Variants in TTC4 observed in about 807,000 individuals in gnomAD.
The protein encoded by TTC4 is tetratricopeptide repeat domain 4, also known as hsp70/Hsp90 co-chaperone CNS1 homolog.
In TTC4, 36 loss-of-function variants were observed where a neutral mutation model predicts 51.9. The observed-to-expected ratio is 0.69, with a 90% CI of 0.53 to 0.92. TTC4 has a LOEUF of 0.92. Ranked by LOEUF, TTC4 falls within the 40% of genes least tolerant of loss-of-function variation. The pLI, the probability that TTC4 is intolerant of heterozygous loss-of-function variation, is 0.00. For synonymous variants in TTC4, 144 were observed against 164.2 expected (o/e 0.88, Z 0.94); for missense variants, 399 against 454.6 (o/e 0.88, Z 1.11).
At chr1:54,735,364 A>G (rs1030680588) in intron 8 of TTC4, among the ~76,000 whole-genome samples, 1 of 151,866 alleles carries the variant, frequency 6.6e-6, no homozygotes, top group African/African-American at 2.4e-5. Context: ...GATTACAGCT[A>G]CTCAGATACC....
At chr1:54,716,226 C>T (rs1645674150) in intron 1 of TTC4, 1 of 580,038 alleles carries the variant, frequency 1.7e-6, no homozygotes. Flanking sequence ...CCTGTGACTC[C>T]ACCACTTAAC....
chr1:54,735,348 A>AG (rs1275681225), intron 8 of TTC4, among the ~76,000 whole-genome samples: 1 of 151,974 alleles, frequency 6.6e-6, no homozygotes, highest in African/African-American at 2.4e-5. Flanking sequence ...CCTCCTGAGT[A>AG]GCTGGGATTA....
chr1:54,716,817 A>AG, intron 2 of TTC4, 100 bp downstream of exon 2: 14 of 916,758 alleles, frequency 1.5e-5, no homozygotes, highest in Non-Finnish European at 2.0e-5. Context: ...AGTTAGCCTG[A>AG]GCTAACTTGT....
chr1:54,726,763 G>T (rs1424277286), intron 5 of TTC4, among the ~76,000 whole-genome samples: 1 of 152,156 alleles, frequency 6.6e-6, no homozygotes, highest in Non-Finnish European at 1.5e-5. Flanking sequence ...CAAAATTAGT[G>T]TATCAATTCA....
chr1:54,716,718 G>T lies in TTC4; in HGVS notation c.229+1G>T, dbSNP rs1218034477. The T allele has an allele frequency of 1.2e-6, 2 of 1,606,764 alleles. No homozygotes were observed. Among genetic ancestry groups the T allele is most frequent in the East Asian group, 4.5e-5 (2 of 44,826 alleles). On this transcript the variant is annotated splice_donor_variant, in intron 2 of 9. Transcript: ENST00000371281. LOFTEE classifies it high-confidence loss of function. ...TTTGATGAGGAGCGTTCTCCAGAAGGTATCTTAACATGACTAATATTTGTT... is the reference window on the plus strand; with the variant it reads ...TTTGATGAGGAGCGTTCTCCAGAAGTTATCTTAACATGACTAATATTTGTT...
At chr1:54,729,110 A>G (rs577965989) in intron 6 of TTC4, among the ~76,000 whole-genome samples, 53 of 152,316 alleles carry the variant, frequency 3.5e-4, no homozygotes, top group Non-Finnish European at 6.5e-4. Context: ...CTGTGATACC[A>G]TGACAGTCAA....
rs777055397 is a variant in TTC4 at position 54,731,722 on chromosome 1, C to G, written c.896+22C>G. 4 of 1,606,186 alleles carry G rather than the reference C, an allele frequency of 2.5e-6. No individual in the cohort carries two copies. The Admixed American group carries it at 5.1e-5, about 20-fold the overall frequency. On this transcript the variant is annotated intron_variant, in intron 7 of 9. Coordinates refer to ENST00000371281, the MANE Select transcript of TTC4 (RefSeq NM_004623.5). ...CCAGGTACTGACTTGCCCAGGAGCCCTCTGCTTTTGCTTGCATGCTGTCTC... is the reference window on the plus strand; with the variant it reads ...CCAGGTACTGACTTGCCCAGGAGCCGTCTGCTTTTGCTTGCATGCTGTCTC...
rs769435309 is a variant in TTC4 at position 54,716,732 on chromosome 1, CTA to C, written c.229+16_229+17del. On this transcript the variant is annotated intron_variant, in intron 2 of 9. Transcript: ENST00000371281. Reference sequence around the variant, plus strand: ...TTCTCCAGAAGGTATCTTAACATGACTAATATTTGTTTTGTGTTTCCATTGAA... The same window carrying C: ...TTCTCCAGAAGGTATCTTAACATGACATATTTGTTTTGTGTTTCCATTGAA... 1.3e-6 allele frequency: 2 copies of C among 1,583,900 alleles called. No individual in the cohort carries two copies. The highest frequency in any genetic ancestry group is 1.7e-6 in the Non-Finnish European group (2 of 1,160,306).
At position 54,717,481 on chromosome 1, in the gene TTC4, C is replaced by T. The variant is rs779196193; in HGVS notation, c.230-11C>T. On this transcript the variant is annotated splice_polypyrimidine_tract_variant and intron_variant, in intron 2 of 9. Coordinates refer to ENST00000371281, the MANE Select transcript of TTC4 (RefSeq NM_004623.5). ...GTAAGCAATAGTGATTATTTTTCCT[C>T]TTCTTTGCAGAACAGGCCAAGACCT... 3 of 1,508,440 alleles carry T rather than the reference C, an allele frequency of 2.0e-6. No homozygotes were observed. Among genetic ancestry groups the T allele is most frequent in the Middle Eastern group, 2.4e-4 (1 of 4,216 alleles). 93.4% of individuals were successfully genotyped at this position (1,508,440 alleles called of 1,614,324 possible). A position where few individuals can be genotyped will look rare whatever the true frequency, so the allele number is the denominator to read the frequency against.
intron 5 of TTC4, among the ~76,000 whole-genome samples, chr1:54,725,983 G>A (rs1645794485): frequency 6.6e-6 from 1 of 152,164 alleles, no homozygotes; most frequent in South Asian, 2.1e-4. Flanking sequence ...ATGCCATCAA[G>A]CATACCAACA....
Position 54,735,496 on chromosome 1 carries a change from C to T in TTC4, c.978+1786C>T, listed in dbSNP as rs1249687145. The stretch of plus-strand genomic sequence containing the variant: ...TTGGCCTCCCAGAGTGCTAGGATTA[C>T]AGGTGTGAGCCACCATGCCCGGCCT... On this transcript the variant is annotated intron_variant, in intron 8 of 9. Transcript: ENST00000371281. 2.0e-5 allele frequency among the ~76,000 whole-genome samples: 3 copies of T among 152,188 alleles called. No homozygotes were observed. The East Asian group carries it at 5.8e-4, about 29-fold the overall frequency.
At chr1:54,725,458 A>G (rs1346658198) in intron 5 of TTC4, among the ~76,000 whole-genome samples, 3 of 152,328 alleles carry the variant, frequency 2.0e-5, no homozygotes, top group Middle Eastern at 3.4e-3. Context: ...AGGGCTATAC[A>G]TGTGCTCAGG....
chr1:54,722,796 G>A lies in TTC4; in HGVS notation c.591G>A (p.Leu197=), dbSNP rs778704229. ...LLEMRAKADK[L]KRIEQRDVRK... The stretch of plus-strand genomic sequence containing the variant: ...AAATGAGGGCTAAAGCAGACAAGCT[G>A]AAGGTTGGTGACTGTCAGCAACCAA... The change falls in exon 5 of 10, where the codon CTG becomes CTA. Residue 197 remains leucine (L), a synonymous_variant. Transcript: ENST00000371281. 6.2e-7 allele frequency: 1 copy of A among 1,613,436 alleles called. No individual in the cohort carries two copies. The highest frequency in any genetic ancestry group is 8.5e-7 in the Non-Finnish European group (1 of 1,179,762).
Position 54,729,125 on chromosome 1 carries a change from A to T in TTC4, c.681+693A>T, listed in dbSNP as rs557170379. On this transcript the variant is annotated intron_variant, in intron 6 of 9. Transcript: ENST00000371281. ...CTGTGATACCATGACAGTCAATCTG[A>T]TCATTGAGATGGGTGCTAACTCACA... Among the ~76,000 whole-genome samples the T allele has an allele frequency of 6.6e-5, 10 of 152,340 alleles. No homozygotes were observed. In the South Asian group the frequency reaches 1.9e-3, roughly 28 times the overall value.
At chr1:54,717,877 A>G (rs898540352) in intron 3 of TTC4, 2 of 381,478 alleles carry the variant, frequency 5.2e-6, no homozygotes, top group African/African-American at 4.2e-5. Context: ...TGACTTGGTC[A>G]CTCAAGTAAG....
At position 54,726,747 on chromosome 1, in the gene TTC4, T is replaced by A. The variant is rs924622473; in HGVS notation, c.595-1599T>A. ...AGATCTTAATATTGTTAGATGGCAA[T>A]ACTCCCAAAATTAGTGTATCAATTC... On this transcript the variant is annotated intron_variant, in intron 5 of 9. Transcript: ENST00000371281. Among the ~76,000 whole-genome samples, 3 of 152,232 alleles carry A rather than the reference T, an allele frequency of 2.0e-5. No homozygotes were observed. In the East Asian group the frequency reaches 5.8e-4, roughly 29 times the overall value.
chr1:54,719,215 A>T (rs1453558138), intron 3 of TTC4, among the ~76,000 whole-genome samples: 1 of 139,994 alleles, frequency 7.1e-6, no homozygotes, highest in Admixed American at 6.9e-5. Flanking sequence ...GGAATATGGG[A>T]CTCTGACTGC....
Position 54,728,379 on chromosome 1 carries a change from T to G in TTC4, c.628T>G (p.Leu210Val). Residue 210 changes from leucine (L) to valine (V), a missense_variant, in exon 6 of 10, where the codon TTG becomes GTG. Coordinates refer to ENST00000371281, the MANE Select transcript of TTC4 (RefSeq NM_004623.5). Reference sequence around the variant, plus strand: ...ACAGAGGGATGTGAGGAAAGCCAACTTGAAAGAAAAGAAGGAGAGGAATCA... The same window carrying G: ...ACAGAGGGATGTGAGGAAAGCCAACGTGAAAGAAAAGAAGGAGAGGAATCA... Reference protein sequence around the residue: ...IEQRDVRKANLKEKKERNQNE... With the variant: ...IEQRDVRKANVKEKKERNQNE... 6.2e-7 allele frequency: 1 copy of G among 1,613,238 alleles called. No homozygotes were observed. Among genetic ancestry groups the G allele is most frequent in the Non-Finnish European group, 8.5e-7 (1 of 1,179,476 alleles).
intron 5 of TTC4, among the ~76,000 whole-genome samples, chr1:54,727,069 A>C (rs1475146319): frequency 2.2e-5 from 3 of 136,606 alleles, no homozygotes; most frequent in East Asian, 5.2e-4. Flanking sequence ...AAAAAAAAAA[A>C]AACAAAATTG....
Sources: gnomAD v4.1 joint callset for allele counts (sites outside exome capture counted in the v4.1 genomes callset) on GRCh38, gnomAD v4.1.1 for gene constraint, MANE v1.5 for transcripts, NCBI Gene and HGNC (gene_info 2026-07-23, HGNC 2026-07-21) for gene names.